The following PIP5K1B variants were observed in gnomAD, a reference collection of about 807,000 sequenced individuals.
PIP5K1B encodes the protein phosphatidylinositol 4-phosphate 5-kinase type-1 beta.
Under a neutral mutation model 67.0 loss-of-function variants are expected in PIP5K1B, and 42 were observed. The observed-to-expected ratio is 0.63, with a 90% CI of 0.49 to 0.81. PIP5K1B has a LOEUF of 0.81. Ranked by LOEUF, PIP5K1B falls within the 30% of genes least tolerant of loss-of-function variation. PIP5K1B has a pLI of 0.00. For missense variants in PIP5K1B, 459 were observed against 646.3 expected, an observed-to-expected ratio of 0.71 and a Z score of 3.14; for synonymous variants, 214 against 231.4, an observed-to-expected ratio of 0.92 and a Z score of 0.68.
chr9:68,813,887 A>G (rs527332434), intron 2 of PIP5K1B, among the ~76,000 whole-genome samples: 45 of 152,262 alleles, frequency 3.0e-4, no homozygotes, highest in African/African-American at 1.1e-3. Flanking sequence ...TTTATTTTGG[A>G]CTTCTAGCCT....
At chr9:69,000,894 C>CTTTTTT (rs35077587) in intron 15 of PIP5K1B, among the ~76,000 whole-genome samples, 2 of 144,536 alleles carry the variant, frequency 1.4e-5, no homozygotes, top group East Asian at 2.0e-4. Context: ...GGGAGCACAA[C>CTTTTTT]TTTTTTTTTT....
Position 68,728,024 on chromosome 9 carries a change from A to G in PIP5K1B, c.-242-14477A>G, listed in dbSNP as rs531628296. Among the ~76,000 whole-genome samples, 42 of 152,318 alleles carry G rather than the reference A, an allele frequency of 2.8e-4. 1 individual carries two copies. In the South Asian group the frequency reaches 8.5e-3, roughly 31 times the overall value. On this transcript the variant is annotated intron_variant, in intron 1 of 15. Coordinates refer to ENST00000265382, the MANE Select transcript of PIP5K1B (RefSeq NM_003558.4). Reference sequence around the variant, plus strand: ...CAAAGAAAAATAAGTGCATTATTTGATACAAGATGCTATGGGGAAAATAAG... The same window carrying G: ...CAAAGAAAAATAAGTGCATTATTTGGTACAAGATGCTATGGGGAAAATAAG...
chr9:69,003,510 C>T (rs964428035), intron 15 of PIP5K1B, among the ~76,000 whole-genome samples: 5 of 151,104 alleles, frequency 3.3e-5, no homozygotes, highest in Non-Finnish European at 7.4e-5. Context: ...GGGTTGACTG[C>T]TCAGGGATCA....
intron 6 of PIP5K1B, among the ~76,000 whole-genome samples, chr9:68,880,430 C>CTACA (rs1276298590): frequency 6.6e-6 from 1 of 152,076 alleles, no homozygotes; most frequent in Admixed American, 6.6e-5. Flanking sequence ...TGGCATGAGC[C>CTACA]TGTAGTCCCA....
At chr9:68,889,530 T>A (rs1824659678) in intron 7 of PIP5K1B, among the ~76,000 whole-genome samples, 1 of 151,552 alleles carries the variant, frequency 6.6e-6, no homozygotes, top group Admixed American at 6.6e-5. Flanking sequence ...GTCAGGAGAT[T>A]AAGACCATCC....
chr9:68,786,013 T>C (rs548030696), intron 2 of PIP5K1B: 1 of 152,366 alleles, frequency 6.6e-6, no homozygotes, highest in East Asian at 1.9e-4. Context: ...TTCTTCTTTT[T>C]ATAGGTGATA....
chr9:68,706,729 C>G (rs1827142909), intron 1 of PIP5K1B, among the ~76,000 whole-genome samples: 1 of 152,074 alleles, frequency 6.6e-6, no homozygotes. Context: ...CTTAAGGGAC[C>G]GGTAGGACCT....
At chr9:68,791,934 G>T (rs1029148898) in intron 2 of PIP5K1B, among the ~76,000 whole-genome samples, 12 of 152,186 alleles carry the variant, frequency 7.9e-5, no homozygotes, top group African/African-American at 2.9e-4. Context: ...CTTACTGGCT[G>T]TGCTTTCAGA....
chr9:68,987,218 C>T (rs536368842), intron 14 of PIP5K1B, among the ~76,000 whole-genome samples: 2 of 152,232 alleles, frequency 1.3e-5, no homozygotes, highest in South Asian at 4.2e-4. Flanking sequence ...CACCATTGCA[C>T]TCCAGCCTGG....
intron 14 of PIP5K1B, among the ~76,000 whole-genome samples, chr9:68,985,677 T>A (rs185581421): frequency 6.6e-6 from 1 of 152,334 alleles, no homozygotes; most frequent in African/African-American, 2.4e-5. Flanking sequence ...TATACCAGCA[T>A]GTGCCCTGGG....
At chr9:68,888,060 C>G (rs532189752) in intron 6 of PIP5K1B, among the ~76,000 whole-genome samples, 98 of 151,580 alleles carry the variant, frequency 6.5e-4, no homozygotes, top group South Asian at 2.3e-3. Flanking sequence ...CTCACTGCAA[C>G]CTCCACCTCC....
chr9:68,987,799 A>T (rs1830157830), intron 14 of PIP5K1B, among the ~76,000 whole-genome samples: 1 of 152,282 alleles, frequency 6.6e-6, no homozygotes, highest in Non-Finnish European at 1.5e-5. Context: ...GAAACCCCTT[A>T]TAAAACATCA....
At chr9:68,814,479 A>T (rs905148278) in intron 2 of PIP5K1B, among the ~76,000 whole-genome samples, 2 of 152,192 alleles carry the variant, frequency 1.3e-5, no homozygotes, top group Non-Finnish European at 2.9e-5. Context: ...CATACAGGAG[A>T]ACATGGCAAA....
At chr9:68,918,197 C>G (rs536795256) in intron 9 of PIP5K1B, among the ~76,000 whole-genome samples, 3 of 150,870 alleles carry the variant, frequency 2.0e-5, no homozygotes, top group East Asian at 3.9e-4. Context: ...TCAAGCGATT[C>G]TCCTGCCTCA....
chr9:68,794,390 TTTTC>T (rs141128949), intron 2 of PIP5K1B, among the ~76,000 whole-genome samples: 95,545 of 150,478 alleles, frequency 0.63, 30,515 homozygotes, highest in African/African-American at 0.7. Context: ...TGACAGTTTC[TTTTC>T]TTTCTTTCTT....
At chr9:68,988,290 C>T (rs142980774) in intron 14 of PIP5K1B, among the ~76,000 whole-genome samples, 83 of 151,454 alleles carry the variant, frequency 5.5e-4, no homozygotes, top group African/African-American at 1.5e-3. Context: ...AAAAGAAAGA[C>T]ACTTCCGGAA....
rs768419648 is a variant in PIP5K1B, at chr9:68,934,878, C to T, written c.1202-12C>T. On this transcript the variant is annotated splice_polypyrimidine_tract_variant and intron_variant, in intron 12 of 15. Transcript: ENST00000265382. ...GTAAATATCTGTATTTGTCCTTTTC[C>T]TTTCTGTCTAGCTTTGAAGGCTTCA... 1.3e-6 allele frequency: 2 copies of T among 1,583,936 alleles called. No individual in the cohort carries two copies. The highest frequency in any genetic ancestry group is 2.3e-5 in the East Asian group (1 of 43,998).
chr9:68,797,233 G>C (rs1244681928), intron 2 of PIP5K1B, among the ~76,000 whole-genome samples: 1 of 152,130 alleles, frequency 6.6e-6, no homozygotes, highest in East Asian at 1.9e-4. Context: ...CTGTGTAAAA[G>C]ACATATGTCC....
At chr9:68,974,078 C>T (rs1380914976) in intron 14 of PIP5K1B, among the ~76,000 whole-genome samples, 1 of 152,180 alleles carries the variant, frequency 6.6e-6, no homozygotes, top group East Asian at 1.9e-4. Context: ...CCCTGTTGCC[C>T]AGGCTGGTTT....
Sources: allele counts gnomAD v4.1 joint callset (sites outside exome capture counted in the v4.1 genomes callset), GRCh38; gene constraint gnomAD v4.1.1; transcripts MANE v1.5; gene names NCBI Gene and HGNC (gene_info 2026-07-23, HGNC 2026-07-21).